Variants in STRIP1 observed in about 807,000 individuals in gnomAD.
STRIP1 encodes the protein striatin-interacting protein 1.
STRIP1 carries 63 observed loss-of-function variants against 106.2 expected under a neutral mutation model. That is an observed-to-expected ratio of 0.59 (90% CI 0.48 to 0.73). The LOEUF is 0.73. Among genes scored for constraint, STRIP1 ranks in the 30% least tolerant of loss-of-function variants. The probability of loss-of-function intolerance (pLI) is 0.00; values close to 1 mark genes in which losing one functional copy is unlikely to be tolerated. For synonymous variants in STRIP1, 390 were observed against 413.0 expected, an observed-to-expected ratio of 0.94 and a Z score of 0.67; for missense variants, 857 against 1,074.8, an observed-to-expected ratio of 0.80 and a Z score of 2.83.
chr1:110,032,725 C>A (rs189829937), upstream of STRIP1, among the ~76,000 whole-genome samples: 109 of 152,224 alleles, frequency 7.2e-4, no homozygotes, highest in South Asian at 0.011. Flanking sequence ...AAATCCTGTC[C>A]CCCTACCTAC....
Position 110,054,005 on chromosome 1 carries a change from C to A in STRIP1, c.*93C>A, listed in dbSNP as rs1011846914. 14 of 1,495,730 alleles carry A rather than the reference C, an allele frequency of 9.4e-6. No homozygotes were observed. The highest frequency in any genetic ancestry group is 5.5e-5 in the African/African-American group (4 of 72,884). The allele number at this position is 1,495,730 out of a possible 1,614,324, so 92.7% of individuals were successfully genotyped here. A position where few individuals can be genotyped will look rare whatever the true frequency, so the allele number is the denominator to read the frequency against. The stretch of plus-strand genomic sequence containing the variant: ...TTCATTGCTGCAGTGCTCCCATCCC[C>A]CACCAGGTGGCAGCACAGCCCCACT... On this transcript the variant is annotated 3_prime_UTR_variant, in exon 21 of 21. Coordinates refer to ENST00000369795, the MANE Select transcript of STRIP1 (RefSeq NM_033088.4).
At chr1:110,052,572 C>T (rs1377745278) in intron 20 of STRIP1, among the ~76,000 whole-genome samples, 3 of 152,002 alleles carry the variant, frequency 2.0e-5, no homozygotes, top group Admixed American at 1.3e-4. Context: ...CAGGTTTAAG[C>T]GATTCTCCCC....
chr1:110,054,049 C>G lies in STRIP1; in HGVS notation c.*137C>G, dbSNP rs952274552. 4 of 1,156,896 alleles carry G rather than the reference C, an allele frequency of 3.5e-6. No individual in the cohort carries two copies. The African/African-American group carries it at 6.1e-5, about 18-fold the overall frequency. The allele number at this position is 1,156,896 out of a possible 1,614,324, so 71.7% of individuals were successfully genotyped here. A position where few individuals can be genotyped will look rare whatever the true frequency, so the allele number is the denominator to read the frequency against. On this transcript the variant is annotated 3_prime_UTR_variant, in exon 21 of 21. Coordinates refer to ENST00000369795, the MANE Select transcript of STRIP1 (RefSeq NM_033088.4). Reference sequence around the variant, plus strand: ...CCCCACTGTGTCTTCCGCAGTCTGTCCTGGGCTTGGGTGAGCCCAGCTTGA... The same window carrying G: ...CCCCACTGTGTCTTCCGCAGTCTGTGCTGGGCTTGGGTGAGCCCAGCTTGA...
chr1:110,039,112 G>A, intron 3 of STRIP1, 60 bp from the exon 4 acceptor site: 1 of 1,595,042 alleles, frequency 6.3e-7, no homozygotes, highest in Non-Finnish European at 8.6e-7. Flanking sequence ...AGTTAACATG[G>A]GTCCATGCCA....
intron 1 of STRIP1, 88 bp downstream of exon 1, chr1:110,034,905 C>T (rs943624157): frequency 1.6e-6 from 2 of 1,284,806 alleles, no homozygotes; most frequent in Non-Finnish European, 1.0e-6. Context: ...CCAGGTTGGG[C>T]TTCCCGGAGG....
upstream of STRIP1, among the ~76,000 whole-genome samples, chr1:110,032,831 T>A (rs1288928652): frequency 6.6e-6 from 1 of 152,194 alleles, no homozygotes; most frequent in Non-Finnish European, 1.5e-5. Context: ...TATCCACTCT[T>A]GCAACTCTCC....
At position 110,046,769 on chromosome 1, in the gene STRIP1, AG is replaced by A. The variant is rs754737821; in HGVS notation, c.1488+19del. On this transcript the variant is annotated intron_variant, in intron 13 of 20. Coordinates refer to ENST00000369795, the MANE Select transcript of STRIP1 (RefSeq NM_033088.4). Reference sequence around the variant, plus strand: ...TCTCAGGGGTAAGTTGGAGGTCCTCAGTCCGGGCGCGGTGGCTCACGCCTGT... The same window carrying A: ...TCTCAGGGGTAAGTTGGAGGTCCTCATCCGGGCGCGGTGGCTCACGCCTGT... 4 of 1,603,112 alleles carry A rather than the reference AG, an allele frequency of 2.5e-6. No homozygotes were observed. The South Asian group carries it at 4.4e-5, about 18-fold the overall frequency.
rs754111230 is a variant in STRIP1, at chr1:110,043,735, A to G, written c.1165A>G (p.Asn389Asp). ...REEEEENDDD[N>D]SLEGETFPLE... ...AGAGGAAGAGGAGAATGATGATGAC[A>G]ACAGTCTGGAGGGGGAGACGTTTCC... is the stretch of plus-strand genomic sequence containing the variant. Residue 389 changes from asparagine to aspartate, a missense_variant, in exon 10 of 21, where the codon AAC becomes GAC. Transcript: ENST00000369795. 5.0e-6 allele frequency: 8 copies of G among 1,614,078 alleles called. No homozygotes were observed. Among genetic ancestry groups the G allele is most frequent in the Admixed American group, 3.3e-5 (2 of 60,008 alleles).
chr1:110,041,444 A>G, intron 6 of STRIP1, 92 bp from the exon 7 acceptor site: 1 of 796,048 alleles, frequency 1.3e-6, no homozygotes, highest in Non-Finnish European at 2.1e-6. Context: ...ATTAATAGTA[A>G]GCCCCTGCTT....
In STRIP1 at chr1:110,049,569, G is replaced by A. The variant is rs1209342049; in HGVS notation, c.1889+9G>A. The A allele has an allele frequency of 6.3e-7, 1 of 1,591,934 alleles. No homozygotes were observed. The highest frequency in any genetic ancestry group is 8.6e-7 in the Non-Finnish European group (1 of 1,162,358). On this transcript the variant is annotated intron_variant, in intron 17 of 20. Transcript: ENST00000369795. Reference sequence around the variant, plus strand: ...ATCACTGCCAAGAACAGGTGATGAGGGCCAGGGACCATGAAGGGGTGGATA... The same window carrying A: ...ATCACTGCCAAGAACAGGTGATGAGAGCCAGGGACCATGAAGGGGTGGATA...
chr1:110,052,487 CTTTT>C (rs1027985463), intron 20 of STRIP1, among the ~76,000 whole-genome samples: 1 of 151,512 alleles, frequency 6.6e-6, no homozygotes, highest in African/African-American at 2.4e-5. Context: ...TCTTTTTTTT[CTTTT>C]GAGACAGAGA....
intron 10 of STRIP1, 84 bp downstream of exon 10, chr1:110,043,940 A>G: frequency 3.1e-6 from 4 of 1,270,736 alleles, no homozygotes; most frequent in South Asian, 2.4e-5. Context: ...CTGTGTCACC[A>G]TGTGTGGTCC....
intron 5 of STRIP1, chr1:110,039,740 C>A: frequency 1.8e-6 from 2 of 1,114,908 alleles, no homozygotes; most frequent in South Asian, 1.4e-5. Flanking sequence ...AGAGTTTTTA[C>A]ACCAGACAGT....
rs1332411589 is a variant in STRIP1, at chr1:110,051,882, G to A, written c.2261G>A (p.Gly754Asp). 3 of 1,611,934 alleles carry A rather than the reference G, an allele frequency of 1.9e-6. No individual in the cohort carries two copies. The highest frequency in any genetic ancestry group is 2.5e-6 in the Non-Finnish European group (3 of 1,179,852). ...RHRLNDDWAY[G>D]NDLDARPWDF... Reference sequence around the variant, plus strand: ...CGGCTGAACGACGACTGGGCATACGGCAATGGTGAGACTCTGCACTCAGCC... The same window carrying A: ...CGGCTGAACGACGACTGGGCATACGACAATGGTGAGACTCTGCACTCAGCC... Residue 754 changes from glycine (G) to aspartate (D), a missense_variant, in exon 20 of 21, where the codon GGC (glycine) becomes GAC (aspartate). By Grantham distance (94) the Gly-to-Asp change is moderately conservative. Coordinates refer to ENST00000369795, the MANE Select transcript of STRIP1 (RefSeq NM_033088.4).
chr1:110,050,552 G>T (rs1475131288), intron 18 of STRIP1, 143 bp downstream of exon 18: 2 of 768,546 alleles, frequency 2.6e-6, no homozygotes, highest in Admixed American at 4.7e-5. Context: ...AGCACTGTAA[G>T]TGTACAGAAG....
At position 110,040,657 on chromosome 1, in the gene STRIP1, G is replaced by T; in HGVS notation, c.604G>T (p.Ala202Ser). The T allele has an allele frequency of 6.2e-7, 1 of 1,612,496 alleles. No homozygotes were observed. Among genetic ancestry groups the T allele is most frequent in the Non-Finnish European group, 8.5e-7 (1 of 1,179,278 alleles). ...CAGCAACAGTGCCGCCTGCAGCAGT[G>T]CTGTGAGGAAGCCTGCCATCTCCCT... is the stretch of plus-strand genomic sequence containing the variant. ...EIDNSAACSS[A>S]VRKPAISLAD... The change falls in exon 6 of 21, where the codon GCT becomes TCT. Residue 202 changes from alanine (A) to serine (S), a missense_variant. Around this residue, in one of 2 missense-constraint regions of STRIP1, gnomAD observed 750 missense variants for 989.8 expected, o/e 0.76. Transcript: ENST00000369795.
chr1:110,049,399 AAG>A (rs1366199465), intron 16 of STRIP1, 59 bp from the exon 17 acceptor site: 6 of 1,555,084 alleles, frequency 3.9e-6, no homozygotes, highest in Non-Finnish European at 4.4e-6. Context: ...CCCTGGAGGA[AAG>A]AGGGCAAGGT....
chr1:110,046,704 G>C lies in STRIP1; in HGVS notation c.1441G>C (p.Val481Leu), dbSNP rs1374989834. ...GCACAAGTACACGTCGATTGCAGAG[G>C]TCCAGGCACAGATGGAGGAGGAATA... Reference protein sequence around the residue: ...KQHKYTSIAEVQAQMEEEYLR... With the variant: ...KQHKYTSIAELQAQMEEEYLR... Residue 481 changes from valine (V) to leucine (L), a missense_variant, in exon 13 of 21, where the codon GTC becomes CTC. By Grantham distance (32) the Val-to-Leu change is conservative. Transcript: ENST00000369795. 4.3e-6 allele frequency: 7 copies of C among 1,613,378 alleles called. No individual in the cohort carries two copies. The highest frequency in any genetic ancestry group is 5.9e-6 in the Non-Finnish European group (7 of 1,179,590).
At chr1:110,032,707 A>T (rs148983955), upstream of STRIP1, among the ~76,000 whole-genome samples, 305 of 152,222 alleles carry the variant, frequency 2.0e-3, 2 homozygotes, top group African/African-American at 6.9e-3. Context: ...AGCTGATAAG[A>T]TTCCAGCAAA....
Sources: gnomAD v4.1 joint callset for allele counts (sites outside exome capture counted in the v4.1 genomes callset) on GRCh38, gnomAD v4.1.1 for gene constraint, gnomAD v4.1.1 regional missense constraint, MANE v1.5 for transcripts, NCBI Gene and HGNC (gene_info 2026-07-23, HGNC 2026-07-21) for gene names.